Variants in MLXIP observed in about 807,000 individuals in gnomAD.
MLXIP encodes MLX-interacting protein.
Under a neutral mutation model 87.2 loss-of-function variants are expected in MLXIP, and 30 were observed. The observed-to-expected ratio is 0.34, with a 90% confidence interval of 0.26 to 0.47. The LOEUF is 0.47. MLXIP is among the 20% of genes least tolerant of loss of function. The pLI is 1.00. For missense variants in MLXIP, 1,002 were observed against 1,240.1 expected (o/e 0.81, Z 2.88); for synonymous variants, 530 against 514.0 (o/e 1.03, Z -0.42).
chr12:122,129,895 A>T (rs1248954231), intron 5 of MLXIP, 46 bp from the exon 6 acceptor site: 1 of 1,576,772 alleles, frequency 6.3e-7, no homozygotes, highest in East Asian at 2.3e-5. Context: ...TCTTCGTCCC[A>T]CTGTTACTCT....
chr12:122,106,214 C>T (rs1952517421), intron 1 of MLXIP, among the ~76,000 whole-genome samples: 1 of 151,302 alleles, frequency 6.6e-6, no homozygotes, highest in African/African-American at 2.4e-5. Context: ...CTGGAGAAGG[C>T]CTCCTGATTC....
intron 1 of MLXIP, among the ~76,000 whole-genome samples, chr12:122,091,550 A>G (rs2135905323): frequency 6.6e-6 from 1 of 152,278 alleles, no homozygotes; most frequent in South Asian, 2.1e-4. Context: ...AAAACAACAA[A>G]ACAAAAAAAG....
chr12:122,098,852 G>A (rs1025050238), intron 1 of MLXIP, among the ~76,000 whole-genome samples: 6 of 152,218 alleles, frequency 3.9e-5, no homozygotes, highest in African/African-American at 1.4e-4. Context: ...TGGGCTGGGA[G>A]GAGGACCACT....
intron 1 of MLXIP, among the ~76,000 whole-genome samples, chr12:122,113,955 GAT>G (rs1431431325): frequency 4.0e-5 from 6 of 150,042 alleles, no homozygotes; most frequent in Non-Finnish European, 7.4e-5. Flanking sequence ...AAAGTGCTGG[GAT>G]TACAGGCGTG....
intron 1 of MLXIP, among the ~76,000 whole-genome samples, chr12:122,113,839 C>G (rs1952643831): frequency 6.6e-6 from 1 of 151,980 alleles, no homozygotes; most frequent in Non-Finnish European, 1.5e-5. Flanking sequence ...CACCCGCCAG[C>G]ATGCCTGGCT....
chr12:122,101,671 C>T (rs2135927360), intron 1 of MLXIP, among the ~76,000 whole-genome samples: 1 of 148,172 alleles, frequency 6.7e-6, no homozygotes, highest in South Asian at 2.1e-4. Context: ...AGCTCCGCCT[C>T]CCAGGTTCAC....
intron 1 of MLXIP, among the ~76,000 whole-genome samples, chr12:122,113,376 T>A (rs918479432): frequency 3.3e-5 from 5 of 152,068 alleles, no homozygotes; most frequent in African/African-American, 1.2e-4. Flanking sequence ...CAGGTGCTCC[T>A]CCCACCTCAG....
At chr12:122,131,078 T>C (rs1325485315) in intron 7 of MLXIP, 145 bp downstream of exon 7, 4 of 612,064 alleles carry the variant, frequency 6.5e-6, no homozygotes, top group African/African-American at 3.7e-5. Context: ...CTGAACTGTT[T>C]TTTGTAGTAA....
Position 122,138,496 on chromosome 12 carries a change from C to T in MLXIP, c.2329C>T (p.Gln777Ter), listed in dbSNP as rs1409478076. The T allele has an allele frequency of 6.2e-7, 1 of 1,613,970 alleles. No homozygotes were observed. The highest frequency in any genetic ancestry group is 1.7e-5 in the Admixed American group (1 of 60,026). ...GCTGCAGCAGGAGAGAGGCCAGATG[C>T]AGGAGGAGGCCCGGCGGCTGCGGGA... ...TKLQQERGQM[Q>*]EEARRLREEI... Residue 777 changes from glutamine (Q) to a stop codon, truncating the protein, a stop_gained, in exon 14 of 17, where the codon CAG becomes TAG. Coordinates refer to ENST00000319080, the MANE Select transcript of MLXIP (RefSeq NM_014938.6). LOFTEE classifies it high-confidence loss of function.
rs1362842270 is a variant in MLXIP at position 122,094,412 on chromosome 12, T to A, written c.413+15146T>A. Among the ~76,000 whole-genome samples, 4 of 138,934 alleles carry A rather than the reference T, an allele frequency of 2.9e-5. No homozygotes were observed. In the East Asian group the frequency reaches 8.9e-4, roughly 31 times the overall value. The allele number at this position is 138,934 out of a possible 152,430, so 91.1% of individuals were successfully genotyped here. ...TGGTGTTGGTGTGTGGTGTGTGTGG[T>A]GTGTGTGGGGTGTGGGTGTGTGTAT... On this transcript the variant is annotated intron_variant, in intron 1 of 16. Transcript: ENST00000319080.
intron 8 of MLXIP, 153 bp downstream of exon 8, chr12:122,132,536 C>T (rs541076776): frequency 1.6e-5 from 10 of 624,074 alleles, no homozygotes; most frequent in East Asian, 1.4e-4. Flanking sequence ...TGCAGAGGCA[C>T]GATTCCATCC....
chr12:122,100,093 A>G (rs1233963667), intron 1 of MLXIP, among the ~76,000 whole-genome samples: 1 of 152,130 alleles, frequency 6.6e-6, no homozygotes, highest in Non-Finnish European at 1.5e-5. Flanking sequence ...GCTGCAGTGC[A>G]GGAGGAGTGT....
At chr12:122,138,388 G>A (rs1408355626) in intron 13 of MLXIP, 36 bp from the exon 14 acceptor site, 2 of 1,611,074 alleles carry the variant, frequency 1.2e-6, no homozygotes, top group Middle Eastern at 1.7e-4. Context: ...CCTGCTGGCT[G>A]TGGGTGCTGC....
chr12:122,083,933 C>T (rs1020914461), intron 1 of MLXIP, among the ~76,000 whole-genome samples: 4 of 152,144 alleles, frequency 2.6e-5, no homozygotes, highest in African/African-American at 9.7e-5. Context: ...GTTTCTTCTC[C>T]TGCGTTCTTC....
intron 1 of MLXIP, among the ~76,000 whole-genome samples, chr12:122,109,309 TC>T: frequency 6.6e-6 from 1 of 152,232 alleles, no homozygotes; most frequent in East Asian, 1.9e-4. Context: ...CCTGAAGTGA[TC>T]CGCCCGCCTT....
At chr12:122,139,035 A>G (rs935675832) in intron 15 of MLXIP, 97 bp downstream of exon 15, 2 of 1,531,402 alleles carry the variant, frequency 1.3e-6, no homozygotes, top group African/African-American at 2.8e-5. Flanking sequence ...GACTCTTTAA[A>G]TGCCTGTCAC....
chr12:122,113,579 T>G (rs1952636969), intron 1 of MLXIP, among the ~76,000 whole-genome samples: 1 of 151,902 alleles, frequency 6.6e-6, no homozygotes, highest in Non-Finnish European at 1.5e-5. Flanking sequence ...ATTTATATAT[T>G]TTTATCTTTA....
chr12:122,141,241 C>G (rs1415935323), intron 16 of MLXIP, 158 bp downstream of exon 16: 1 of 635,844 alleles, frequency 1.6e-6, no homozygotes, highest in Non-Finnish European at 2.0e-6. Flanking sequence ...TCAGGAGCGC[C>G]CAGTGGGGGC....
intron 15 of MLXIP, among the ~76,000 whole-genome samples, chr12:122,139,793 C>G (rs949947297): frequency 5.6e-4 from 85 of 152,202 alleles, no homozygotes; most frequent in Non-Finnish European, 1.2e-3. Context: ...CCTGCCTCAG[C>G]CTCCTGAGTG....
Sources: allele counts gnomAD v4.1 joint callset (sites outside exome capture counted in the v4.1 genomes callset), GRCh38; gene constraint gnomAD v4.1.1; transcripts MANE v1.5; gene names NCBI Gene and HGNC (gene_info 2026-07-23, HGNC 2026-07-21).